Variants in ITGBL1 observed in about 807,000 individuals in gnomAD.
ITGBL1 encodes integrin beta-like protein 1.
A neutral mutation model predicts 68.5 loss-of-function variants in ITGBL1; 51 were observed. The ratio of observed to expected loss-of-function variants is 0.74; its 90% CI spans 0.59 to 0.94. ITGBL1 has a LOEUF of 0.94. Ranked by LOEUF, ITGBL1 falls within the 40% of genes least tolerant of loss-of-function variation. ITGBL1 has a pLI of 0.00. For synonymous variants in ITGBL1, 209 were observed against 227.3 expected, an observed-to-expected ratio of 0.92 and a Z score of 0.72; for missense variants, 649 against 647.4, an observed-to-expected ratio of 1.00 and a Z score of -0.03.
chr13:101,630,882 T>G (rs2031956050), intron 7 of ITGBL1, among the ~76,000 whole-genome samples: 1 of 152,196 alleles, frequency 6.6e-6, no homozygotes, highest in African/African-American at 2.4e-5. Flanking sequence ...GAGCTATATC[T>G]TTTACTGCAA....
chr13:101,491,308 C>G (rs971327896), intron 2 of ITGBL1, among the ~76,000 whole-genome samples: 11 of 152,138 alleles, frequency 7.2e-5, no homozygotes, highest in Admixed American at 3.9e-4. Flanking sequence ...CTCCTTCTCC[C>G]CGTTACCATC....
intron 7 of ITGBL1, among the ~76,000 whole-genome samples, chr13:101,604,566 GA>G (rs1336256925): frequency 1.3e-5 from 2 of 151,344 alleles, no homozygotes; most frequent in Non-Finnish European, 3.0e-5. Context: ...ACAGCCAGTT[GA>G]GTGCCTTTGG....
chr13:101,671,237 C>A (rs2033350598), intron 7 of ITGBL1, among the ~76,000 whole-genome samples: 1 of 151,978 alleles, frequency 6.6e-6, no homozygotes, highest in Non-Finnish European at 1.5e-5. Flanking sequence ...ATTCATGAAA[C>A]TGCTAACAAA....
chr13:101,589,065 A>G (rs1440687673), intron 6 of ITGBL1, among the ~76,000 whole-genome samples: 1 of 152,192 alleles, frequency 6.6e-6, no homozygotes, highest in Non-Finnish European at 1.5e-5. Flanking sequence ...CTAATATTCT[A>G]AAATATATTT....
intron 2 of ITGBL1, among the ~76,000 whole-genome samples, chr13:101,547,893 A>G (rs1307533079): frequency 3.4e-5 from 5 of 148,878 alleles, no homozygotes; most frequent in Admixed American, 2.7e-4. Flanking sequence ...ATATGTGTAT[A>G]TATCTCTGTG....
At chr13:101,637,400 G>A (rs1026047707) in intron 7 of ITGBL1, among the ~76,000 whole-genome samples, 1 of 147,514 alleles carries the variant, frequency 6.8e-6, no homozygotes, top group African/African-American at 2.5e-5. Flanking sequence ...CTAGAGTGCA[G>A]TGGTGCGATC....
Position 101,452,774 on chromosome 13 carries a change from C to G in ITGBL1, c.-60C>G. ...GTGGCACCTCTCCCTCCTGCCGCCT[C>G]CCTCGGTGAACCCCACCTTGCAGAA... On this transcript the variant is annotated 5_prime_UTR_variant, in exon 1 of 11. Coordinates refer to ENST00000376180, the MANE Select transcript of ITGBL1 (RefSeq NM_004791.3). The G allele has an allele frequency of 7.1e-7, 1 of 1,405,864 alleles. No homozygotes were observed. Among genetic ancestry groups the G allele is most frequent in the Non-Finnish European group, 1.0e-6 (1 of 991,822 alleles). The allele number at this position is 1,405,864 out of a possible 1,614,324, so 87.1% of individuals were successfully genotyped here.
chr13:101,579,169 G>T, intron 4 of ITGBL1, 118 bp from the exon 5 acceptor site: 1 of 1,036,138 alleles, frequency 9.7e-7, no homozygotes, highest in Non-Finnish European at 1.5e-6. Context: ...TTTAGGCAAG[G>T]AATGTGGAGC....
intron 2 of ITGBL1, among the ~76,000 whole-genome samples, chr13:101,492,106 TC>T (rs1262284693): frequency 6.6e-6 from 1 of 152,208 alleles, no homozygotes; most frequent in Non-Finnish European, 1.5e-5. Flanking sequence ...TGTGCATGTG[TC>T]TTTAAAGTAG....
chr13:101,563,661 T>C (rs2050135773), intron 2 of ITGBL1, among the ~76,000 whole-genome samples: 4 of 151,852 alleles, frequency 2.6e-5, no homozygotes. Context: ...GTTAAACATT[T>C]GTAAAAATGA....
chr13:101,706,989 T>C (rs2034278180), intron 9 of ITGBL1, 87 bp downstream of exon 9: 8 of 1,419,264 alleles, frequency 5.6e-6, no homozygotes, highest in Non-Finnish European at 7.8e-6. Context: ...TTTCCCAGAC[T>C]GAACTTTGCA....
intron 2 of ITGBL1, among the ~76,000 whole-genome samples, chr13:101,546,758 T>C (rs1219822074): frequency 6.6e-6 from 1 of 152,058 alleles, no homozygotes; most frequent in African/African-American, 2.4e-5. Flanking sequence ...TAAATTTAGA[T>C]GAATCTCAAT....
At chr13:101,595,834 TG>T (rs2029929632) in intron 6 of ITGBL1, among the ~76,000 whole-genome samples, 1 of 152,162 alleles carries the variant, frequency 6.6e-6, no homozygotes, top group Non-Finnish European at 1.5e-5. Flanking sequence ...TAGGAATTTC[TG>T]GATTTATGTA....
chr13:101,644,311 T>C (rs2032487959), intron 7 of ITGBL1, among the ~76,000 whole-genome samples: 1 of 152,174 alleles, frequency 6.6e-6, no homozygotes, highest in Admixed American at 6.5e-5. Flanking sequence ...AGGGAGATGG[T>C]CAGGCTCAAT....
chr13:101,500,582 AG>A (rs890074117), intron 2 of ITGBL1, among the ~76,000 whole-genome samples: 5 of 152,204 alleles, frequency 3.3e-5, no homozygotes, highest in African/African-American at 7.2e-5. Flanking sequence ...TCTCAGAAAA[AG>A]AAAGAACTCG....
At chr13:101,640,223 ACTTGTTTATCACAAGTTAAAGTT>A (rs1172868293) in intron 7 of ITGBL1, among the ~76,000 whole-genome samples, 1 of 152,226 alleles carries the variant, frequency 6.6e-6, no homozygotes, top group Non-Finnish European at 1.5e-5. Flanking sequence ...TCAACTTATT[ACTTGTTTATCACAAGTTAAAGTT>A]CTTGTTTATC....
At chr13:101,700,546 G>A (rs1465365423) in intron 8 of ITGBL1, among the ~76,000 whole-genome samples, 2 of 152,158 alleles carry the variant, frequency 1.3e-5, no homozygotes, top group African/African-American at 4.8e-5. Flanking sequence ...TTTGCAAAGT[G>A]TAAACTATAT....
intron 2 of ITGBL1, among the ~76,000 whole-genome samples, chr13:101,532,049 A>G (rs1450844992): frequency 6.6e-6 from 1 of 151,966 alleles, no homozygotes; most frequent in African/African-American, 2.4e-5. Context: ...TATACTTTTT[A>G]ATTTACTCTC....
chr13:101,615,702 T>C (rs983216705), intron 7 of ITGBL1, among the ~76,000 whole-genome samples: 1 of 152,014 alleles, frequency 6.6e-6, no homozygotes, highest in African/African-American at 2.4e-5. Flanking sequence ...GGTGGGAGGA[T>C]TTCTTGAGCC....
Sources: gnomAD v4.1 joint callset for allele counts (sites outside exome capture counted in the v4.1 genomes callset) on GRCh38, gnomAD v4.1.1 for gene constraint, MANE v1.5 for transcripts, NCBI Gene and HGNC (gene_info 2026-07-23, HGNC 2026-07-21) for gene names.